Variants in ERBB4 observed in about 807,000 individuals in gnomAD.
ERBB4 encodes receptor tyrosine-protein kinase erbB-4.
ERBB4 carries 42 observed loss-of-function variants against 158.0 expected under a neutral mutation model. That is an observed-to-expected ratio of 0.27 (90% CI 0.21 to 0.34). ERBB4 has a LOEUF of 0.34. Ranked by LOEUF, ERBB4 falls within the 10% of genes least tolerant of loss-of-function variation. ERBB4 has a pLI of 1.00. For synonymous variants in ERBB4, 583 were observed against 558.7 expected, an observed-to-expected ratio of 1.04 and a Z score of -0.61; for missense variants, 1,333 against 1,624.1, an observed-to-expected ratio of 0.82 and a Z score of 3.08.
intron 20 of ERBB4, among the ~76,000 whole-genome samples, chr2:211,552,698 ATACTCAG>A (rs2067132869): frequency 3.9e-5 from 6 of 152,232 alleles, no homozygotes; most frequent in Admixed American, 1.3e-4. Context: ...ATAGTGGCCT[ATACTCAG>A]TATTCAGGCT....
intron 1 of ERBB4, among the ~76,000 whole-genome samples, chr2:212,487,424 T>C (rs1690035195): frequency 1.3e-5 from 2 of 152,090 alleles, no homozygotes. Context: ...CTTTTTTTTA[T>C]AGGAAGGAAA....
chr2:211,988,966 G>A (rs2082004041), intron 2 of ERBB4, among the ~76,000 whole-genome samples: 1 of 151,860 alleles, frequency 6.6e-6, no homozygotes, highest in Admixed American at 6.6e-5. Context: ...AATTTTAACA[G>A]CATTTCTCTT....
At position 211,731,720 on chromosome 2, in the gene ERBB4, T is replaced by C. The variant is rs150208684; in HGVS notation, c.623-6526A>G. On this transcript the variant is annotated intron_variant, in intron 5 of 27. Transcript: ENST00000342788. ...TGAACACTTTGGGTTGTGTAACATG[T>C]TTTAAGAAAGCTATCATCAACAGGA... Among the ~76,000 whole-genome samples the C allele has an allele frequency of 1.8e-3, 279 of 152,220 alleles. 1 individual carries two copies. Among genetic ancestry groups the C allele is most frequent in the African/African-American group, 6.5e-3 (270 of 41,546 alleles).
intron 25 of ERBB4, among the ~76,000 whole-genome samples, chr2:211,399,695 A>G (rs2062993710): frequency 6.6e-6 from 1 of 151,956 alleles, no homozygotes. Context: ...TGCGATGAAC[A>G]TTTCACATTC....
intron 1 of ERBB4, among the ~76,000 whole-genome samples, chr2:212,239,419 A>C (rs900747995): frequency 6.6e-6 from 1 of 152,246 alleles, no homozygotes; most frequent in African/African-American, 2.4e-5. Context: ...TGAATGTTAC[A>C]TGGTACAATT....
At chr2:211,652,491 AC>A (rs2071030237) in intron 16 of ERBB4, among the ~76,000 whole-genome samples, 1 of 151,750 alleles carries the variant, frequency 6.6e-6, no homozygotes, top group African/African-American at 2.4e-5. Flanking sequence ...TGGGGGCAAA[AC>A]AAACAAGGAA....
At chr2:211,806,661 G>C (rs1316088954) in intron 3 of ERBB4, among the ~76,000 whole-genome samples, 3 of 152,074 alleles carry the variant, frequency 2.0e-5, no homozygotes, top group African/African-American at 7.2e-5. Flanking sequence ...AGGGAAAAGG[G>C]GGACTGATAT....
chr2:212,343,199 T>A (rs2088807737), intron 1 of ERBB4, among the ~76,000 whole-genome samples: 1 of 152,176 alleles, frequency 6.6e-6, no homozygotes, highest in Non-Finnish European at 1.5e-5. Context: ...CAAGCTAACA[T>A]TAAACCACTA....
At chr2:211,949,981 T>C (rs1227371009) in intron 2 of ERBB4, among the ~76,000 whole-genome samples, 1 of 152,152 alleles carries the variant, frequency 6.6e-6, no homozygotes, top group African/African-American at 2.4e-5. Context: ...TTAACTTGTG[T>C]GTCTCATGTG....
At chr2:212,534,394 A>G (rs545539409) in intron 1 of ERBB4, among the ~76,000 whole-genome samples, 1 of 152,304 alleles carries the variant, frequency 6.6e-6, no homozygotes, top group East Asian at 1.9e-4. Context: ...AGAAAGAAAA[A>G]GGGTAAGAGG....
intron 19 of ERBB4, among the ~76,000 whole-genome samples, chr2:211,594,557 T>C (rs1045093309): frequency 2.6e-5 from 4 of 152,194 alleles, no homozygotes; most frequent in Non-Finnish European, 5.9e-5. Flanking sequence ...ATGCCATAGC[T>C]ATTTTTATTT....
At position 212,205,648 on chromosome 2, in the gene ERBB4, C is replaced by T. The variant is rs922589745; in HGVS notation, c.83-80745G>A. Among the ~76,000 whole-genome samples, 18 of 152,118 alleles carry T rather than the reference C, an allele frequency of 1.2e-4. 1 individual carries two copies. The highest frequency in any genetic ancestry group is 4.1e-4 in the African/African-American group (17 of 41,492). ...CTGACTCCATTCAATTATTAAAGAC[C>T]TTATCTTTATTTGTCATAAGCATTG... On this transcript the variant is annotated intron_variant, in intron 1 of 27. Coordinates refer to ENST00000342788, the MANE Select transcript of ERBB4 (RefSeq NM_005235.3).
intron 1 of ERBB4, among the ~76,000 whole-genome samples, chr2:212,222,458 C>G (rs928047292): frequency 6.6e-6 from 1 of 151,566 alleles, no homozygotes; most frequent in African/African-American, 2.4e-5. Flanking sequence ...AGCTCCAACA[C>G]TACTCTTGCT....
chr2:212,405,652 T>C lies in ERBB4; in HGVS notation c.82+132797A>G, dbSNP rs113215299. Among the ~76,000 whole-genome samples the C allele has an allele frequency of 1.3e-3, 205 of 152,246 alleles. 1 individual carries two copies. The highest frequency in any genetic ancestry group is 6.8e-3 in the Middle Eastern group (2 of 294). On this transcript the variant is annotated intron_variant, in intron 1 of 27. Transcript: ENST00000342788. ...AAAAGATCTGAAAGAGGTGAGGATATATTTTCACAATTAATCATGCACATC... is the reference window on the plus strand; with the variant it reads ...AAAAGATCTGAAAGAGGTGAGGATACATTTTCACAATTAATCATGCACATC...
chr2:211,637,985 T>G (rs2070423679), intron 16 of ERBB4, among the ~76,000 whole-genome samples: 2 of 152,010 alleles, frequency 1.3e-5, no homozygotes, highest in Non-Finnish European at 1.5e-5. Context: ...CTTTTATATT[T>G]AGTTATATCT....
intron 19 of ERBB4, among the ~76,000 whole-genome samples, chr2:211,565,212 G>C (rs1038208760): frequency 1.3e-5 from 2 of 152,128 alleles, no homozygotes; most frequent in African/African-American, 4.8e-5. Flanking sequence ...TTACGATACA[G>C]CACAACTGGG....
intron 1 of ERBB4, among the ~76,000 whole-genome samples, chr2:212,277,112 T>C (rs1016903926): frequency 3.3e-5 from 5 of 151,686 alleles, no homozygotes; most frequent in Non-Finnish European, 7.4e-5. Flanking sequence ...TGTGAGAGAA[T>C]AGTCAGCAAG....
intron 1 of ERBB4, among the ~76,000 whole-genome samples, chr2:212,465,648 A>G (rs773703473): frequency 6.6e-6 from 1 of 152,114 alleles, no homozygotes; most frequent in Non-Finnish European, 1.5e-5. Flanking sequence ...CTGTGACTCA[A>G]ATCAGTACCT....
intron 16 of ERBB4, among the ~76,000 whole-genome samples, chr2:211,633,293 A>T (rs2070216699): frequency 6.6e-6 from 1 of 152,090 alleles, no homozygotes; most frequent in Admixed American, 6.6e-5. Context: ...AAAGACGTGC[A>T]CCACAAACTG....
Sources: gnomAD v4.1 joint callset for allele counts (sites outside exome capture counted in the v4.1 genomes callset) on GRCh38, gnomAD v4.1.1 for gene constraint, MANE v1.5 for transcripts, NCBI Gene and HGNC (gene_info 2026-07-23, HGNC 2026-07-21) for gene names.